SRP54: variants seen among roughly 807,000 people sequenced by gnomAD.
SRP54 encodes the protein signal recognition particle 54.
A neutral mutation model predicts 64.8 loss-of-function variants in SRP54; 10 were observed. That is an observed-to-expected ratio of 0.15 (90% CI 0.10 to 0.26). The LOEUF (loss-of-function observed/expected upper bound fraction) is 0.26. Ranked by LOEUF, SRP54 falls within the 10% of genes least tolerant of loss-of-function variation. The probability of loss-of-function intolerance (pLI) is 1.00; values close to 1 mark genes in which losing one functional copy is unlikely to be tolerated. For synonymous variants in SRP54, 193 were observed against 185.6 expected, an observed-to-expected ratio of 1.04 and a Z score of -0.32; for missense variants, 325 against 613.7, an observed-to-expected ratio of 0.53 and a Z score of 4.97.
chr14:35,008,009 G>C (rs1188822302), intron 5 of SRP54, among the ~76,000 whole-genome samples: 4 of 151,982 alleles, frequency 2.6e-5, no homozygotes, highest in East Asian at 1.9e-4. Context: ...GTGAGTGTGT[G>C]ATTTTTGGAG....
chr14:34,993,215 G>A (rs2044010386), intron 1 of SRP54: 1 of 152,142 alleles, frequency 6.6e-6, no homozygotes. Flanking sequence ...CTCTAAAAAA[G>A]TTAATTGTGG....
At chr14:35,023,375 ATTACCT>A (rs1267242969) in intron 14 of SRP54, among the ~76,000 whole-genome samples, 1 of 152,088 alleles carries the variant, frequency 6.6e-6, no homozygotes, top group Non-Finnish European at 1.5e-5. Context: ...AAAAAAACAC[ATTACCT>A]TTACTCCCCA....
intron 14 of SRP54, among the ~76,000 whole-genome samples, chr14:35,027,247 C>G (rs1268858191): frequency 6.6e-6 from 1 of 151,282 alleles, no homozygotes; most frequent in Admixed American, 6.6e-5. Flanking sequence ...CTAGGCTGGT[C>G]TCGAACTCCT....
Position 35,011,538 on chromosome 14 carries a change from C to T in SRP54, c.515C>T (p.Ala172Val). Residue 172 changes from alanine (A) to valine (V), a missense_variant, in exon 8 of 16, where the codon GCT (alanine) becomes GTT (valine). Physicochemically the swap from Ala to Val is moderately conservative, Grantham distance 64 (BLOSUM62 0). This residue lies in a region of SRP54 where 156 missense variants were observed against 254.6 expected (regional missense o/e 0.61). Transcript: ENST00000216774. Reference protein sequence around the residue: ...SYTEMDPVIIASEGVEKFKNE... With the variant: ...SYTEMDPVIIVSEGVEKFKNE... ...ACAGAAATGGATCCTGTCATCATTG[C>T]TTCTGAAGGAGTAGAGAAATTTAAA... 5.1e-6 allele frequency: 8 copies of T among 1,564,808 alleles called. No homozygotes were observed. The highest frequency in any genetic ancestry group is 6.1e-6 in the Non-Finnish European group (7 of 1,150,168).
intron 1 of SRP54, among the ~76,000 whole-genome samples, chr14:34,984,203 C>T (rs1479212856): frequency 6.6e-6 from 1 of 152,206 alleles, no homozygotes; most frequent in African/African-American, 2.4e-5. Flanking sequence ...CAGATTACTC[C>T]TCTGTCCCCA....
intron 11 of SRP54, among the ~76,000 whole-genome samples, chr14:35,018,332 A>G (rs1029817155): frequency 1.3e-5 from 2 of 152,146 alleles, no homozygotes; most frequent in African/African-American, 2.4e-5. Context: ...ATTCTCACCA[A>G]TATATGGGAG....
At chr14:35,002,422 C>T (rs1475781246) in intron 4 of SRP54, among the ~76,000 whole-genome samples, 1 of 151,754 alleles carries the variant, frequency 6.6e-6, no homozygotes, top group Non-Finnish European at 1.5e-5. Context: ...TCATTTTTCC[C>T]CCACATTGTT....
chr14:35,004,395 G>A (rs898993986), intron 4 of SRP54: 79 of 152,136 alleles, frequency 5.2e-4, no homozygotes, highest in African/African-American at 1.9e-3. Flanking sequence ...TGTCAATGAC[G>A]AGAGATCTGC....
intron 13 of SRP54, 33 bp downstream of exon 13, chr14:35,019,107 A>C: frequency 6.9e-7 from 1 of 1,442,198 alleles, no homozygotes; most frequent in East Asian, 2.3e-5. Context: ...TCAGGCAAAA[A>C]TGTTCTGAGT....
In SRP54 at chr14:35,029,297, C is replaced by G; in HGVS notation, c.*145C>G. The G allele has an allele frequency of 2.0e-6, 1 of 511,296 alleles. No homozygotes were observed. Among genetic ancestry groups the G allele is most frequent in the Non-Finnish European group, 3.4e-6 (1 of 295,636 alleles). 31.7% of individuals were successfully genotyped at this position (511,296 alleles called of 1,614,324 possible). A position where few individuals can be genotyped will look rare whatever the true frequency, so the allele number is the denominator to read the frequency against. On this transcript the variant is annotated 3_prime_UTR_variant, in exon 16 of 16. Coordinates refer to ENST00000216774, the MANE Select transcript of SRP54 (RefSeq NM_003136.4). ...TCCTTTTCTTCTCGCCCGCTTTTCC[C>G]CTCCTTTTCTTTTTCCTTCCTTCTT...
intron 1 of SRP54, among the ~76,000 whole-genome samples, chr14:34,991,115 T>TC: frequency 8.0e-6 from 1 of 125,078 alleles, no homozygotes; most frequent in Non-Finnish European, 1.8e-5. Flanking sequence ...TTTTCTTTTT[T>TC]TTTTTTTTTT....
intron 11 of SRP54, among the ~76,000 whole-genome samples, chr14:35,017,646 T>C (rs2044465036): frequency 6.6e-6 from 1 of 152,254 alleles, no homozygotes; most frequent in South Asian, 2.1e-4. Context: ...ACTTTCTCTT[T>C]TGGCTTGTTC....
At chr14:35,025,274 A>G (rs528031638) in intron 14 of SRP54, among the ~76,000 whole-genome samples, 1 of 152,324 alleles carries the variant, frequency 6.6e-6, no homozygotes, top group East Asian at 1.9e-4. Context: ...TCTGAATATG[A>G]ACAATACCAT....
intron 2 of SRP54, 128 bp from the exon 3 acceptor site, chr14:34,999,430 G>T: frequency 1.7e-6 from 1 of 600,796 alleles, no homozygotes; most frequent in South Asian, 2.2e-5. Flanking sequence ...ATCTCTCCAA[G>T]AACTAACTGA....
At chr14:35,021,592 C>G (rs995082515) in intron 13 of SRP54, among the ~76,000 whole-genome samples, 1 of 151,322 alleles carries the variant, frequency 6.6e-6, no homozygotes, top group African/African-American at 2.4e-5. Flanking sequence ...AAGCTTGCAC[C>G]ACTGCACTCC....
At chr14:34,998,082 C>G (rs929408896) in intron 2 of SRP54, among the ~76,000 whole-genome samples, 2 of 151,830 alleles carry the variant, frequency 1.3e-5, no homozygotes, top group African/African-American at 2.4e-5. Flanking sequence ...AAGATCAGTT[C>G]GAATTTTAGC....
chr14:35,011,824 TC>T (rs2044361078), intron 8 of SRP54, among the ~76,000 whole-genome samples, 165 bp downstream of exon 8: 1 of 152,234 alleles, frequency 6.6e-6, no homozygotes, highest in Non-Finnish European at 1.5e-5. Flanking sequence ...GGACTTAATT[TC>T]ATTATTTTTG....
intron 3 of SRP54, among the ~76,000 whole-genome samples, chr14:35,000,088 G>A (rs1355346686): frequency 1.3e-5 from 2 of 152,126 alleles, no homozygotes; most frequent in African/African-American, 4.8e-5. Flanking sequence ...TTTGAATGAA[G>A]AATTAATGTG....
chr14:34,998,282 C>G (rs1049802998), intron 2 of SRP54, among the ~76,000 whole-genome samples: 1 of 152,138 alleles, frequency 6.6e-6, no homozygotes, highest in Non-Finnish European at 1.5e-5. Context: ...AGTTTACATT[C>G]TAGTGTGTGA....
Sources: gnomAD v4.1 joint callset for allele counts (sites outside exome capture counted in the v4.1 genomes callset) on GRCh38, gnomAD v4.1.1 for gene constraint, gnomAD v4.1.1 regional missense constraint, MANE v1.5 for transcripts, NCBI Gene and HGNC (gene_info 2026-07-23, HGNC 2026-07-21) for gene names.